The following BPNT1 variants were observed in gnomAD, a reference collection of about 807,000 sequenced individuals.
BPNT1 encodes the protein 3'(2'),5'-bisphosphate nucleotidase 1.
In BPNT1, 28 loss-of-function variants were observed where a neutral mutation model predicts 36.9. The ratio of observed to expected loss-of-function variants is 0.76; its 90% CI spans 0.56 to 1.04. BPNT1 has a LOEUF of 1.04. BPNT1 is among the 50% of genes least tolerant of loss of function. BPNT1 has a pLI of 0.00. For synonymous variants in BPNT1, 119 were observed against 130.9 expected, an observed-to-expected ratio of 0.91 and a Z score of 0.62; for missense variants, 313 against 372.9, an observed-to-expected ratio of 0.84 and a Z score of 1.32.
At chr1:220,080,399 G>T (rs1664993837) in intron 1 of BPNT1, among the ~76,000 whole-genome samples, 1 of 152,114 alleles carries the variant, frequency 6.6e-6, no homozygotes, top group Non-Finnish European at 1.5e-5. Context: ...CCCAAGACTG[G>T]GTAATTTATT....
At chr1:220,075,760 T>C (rs1255330625) in intron 2 of BPNT1, among the ~76,000 whole-genome samples, 1 of 152,222 alleles carries the variant, frequency 6.6e-6, no homozygotes, top group Non-Finnish European at 1.5e-5. Flanking sequence ...ATTTTGCTGT[T>C]TTTTTAAAAA....
rs1275999607 is a variant in BPNT1 at position 220,066,947 on chromosome 1, T to C, written c.474+355A>G. On this transcript the variant is annotated intron_variant, in intron 6 of 8. Coordinates refer to ENST00000322067, the MANE Select transcript of BPNT1 (RefSeq NM_006085.6). ...CTATCAGTAATTCTCTCAACATTTA[T>C]ATTTGAATCATAAGGAATAAATTAA... is the stretch of plus-strand genomic sequence containing the variant. 3 of 152,434 alleles carry C rather than the reference T, an allele frequency of 2.0e-5. No homozygotes were observed. In the East Asian group the frequency reaches 5.8e-4, roughly 29 times the overall value. 9.4% of individuals were successfully genotyped at this position (152,434 alleles called of 1,614,324 possible).
intron 7 of BPNT1, among the ~76,000 whole-genome samples, chr1:220,062,412 C>A (rs969799494): frequency 6.6e-6 from 1 of 151,230 alleles, no homozygotes; most frequent in East Asian, 2.0e-4. Flanking sequence ...TTTGTCCTTG[C>A]GATAGTTTAC....
intron 4 of BPNT1, among the ~76,000 whole-genome samples, chr1:220,071,140 G>A (rs575386140): frequency 2.0e-5 from 3 of 151,920 alleles, no homozygotes; most frequent in Admixed American, 6.5e-5. Flanking sequence ...GATTACAGGC[G>A]TGAGCCACCA....
chr1:220,057,942 C>T lies in BPNT1; in HGVS notation c.*902G>A, dbSNP rs1235755367. The T allele has an allele frequency of 1.0e-6, 1 of 989,894 alleles. No homozygotes were observed. Among genetic ancestry groups the T allele is most frequent in the Non-Finnish European group, 1.4e-6 (1 of 720,086 alleles). The allele number at this position is 989,894 out of a possible 1,614,324, so 61.3% of individuals were successfully genotyped here. ...CCTGTAATCCCAGCACTTTGGGAGT[C>T]CGAGGCAGACAGATCACGATGTCAG... On this transcript the variant is annotated 3_prime_UTR_variant, in exon 9 of 9. Transcript: ENST00000322067.
At chr1:220,073,335 C>A (rs1442180754) in intron 3 of BPNT1, among the ~76,000 whole-genome samples, 1 of 151,488 alleles carries the variant, frequency 6.6e-6, no homozygotes, top group Non-Finnish European at 1.5e-5. Flanking sequence ...GTTGCCCAGG[C>A]TGGAGTGCAG....
chr1:220,060,150 A>G (rs1474251633), intron 7 of BPNT1, among the ~76,000 whole-genome samples: 1 of 152,138 alleles, frequency 6.6e-6, no homozygotes, highest in African/African-American at 2.4e-5. Context: ...AGCAGAATTA[A>G]TTCAAGTTTT....
At chr1:220,079,140 G>T (rs935414783) in intron 2 of BPNT1, among the ~76,000 whole-genome samples, 1 of 152,184 alleles carries the variant, frequency 6.6e-6, no homozygotes, top group African/African-American at 2.4e-5. Flanking sequence ...GGCACTGCAT[G>T]TAATAGATTA....
intron 2 of BPNT1, 95 bp from the exon 3 acceptor site, chr1:220,074,166 T>G: frequency 8.9e-7 from 1 of 1,117,410 alleles, no homozygotes; most frequent in Non-Finnish European, 1.3e-6. Context: ...TAGATTACAC[T>G]GTCAGTTTTT....
At chr1:220,087,482 G>T (rs1321012680) in intron 1 of BPNT1, among the ~76,000 whole-genome samples, 5 of 152,084 alleles carry the variant, frequency 3.3e-5, no homozygotes, top group Non-Finnish European at 7.4e-5. Context: ...TTGAACCTGG[G>T]AGGTAGAAGT....
Position 220,058,987 on chromosome 1 carries a change from A to G in BPNT1, c.784T>C (p.Leu262=). 6.2e-7 allele frequency: 1 copy of G among 1,613,446 alleles called. No individual in the cohort carries two copies. The highest frequency in any genetic ancestry group is 8.5e-7 in the Non-Finnish European group (1 of 1,179,614). ...AGAACATTCCCATGGATATCGGTTAACTTGCCTATAGAAAAACATCAATCA... is the reference window on the plus strand; with the variant it reads ...AGAACATTCCCATGGATATCGGTTAGCTTGCCTATAGAAAAACATCAATCA... ...EVILHAVGGK[L]TDIHGNVLQY... is the part of the protein sequence containing the mutation. Residue 262 remains leucine, a synonymous_variant, in exon 9 of 9, where the codon TTA becomes CTA. Transcript: ENST00000322067.
At chr1:220,066,245 C>A (rs1558081780) in intron 6 of BPNT1, 4 of 518,496 alleles carry the variant, frequency 7.7e-6, no homozygotes, top group Non-Finnish European at 1.3e-5. Flanking sequence ...AATTAAATGC[C>A]CCTTTTGAAA....
chr1:220,082,077 T>TAGAGAG (rs1192320961), intron 1 of BPNT1, among the ~76,000 whole-genome samples: 2 of 110,258 alleles, frequency 1.8e-5, no homozygotes, highest in African/African-American at 6.3e-5. Context: ...TATATATATA[T>TAGAGAG]ATATATATAG....
chr1:220,079,802 TGC>T lies in BPNT1; in HGVS notation c.43_44del (p.Ala15IlefsTer17). On this transcript the variant is annotated frameshift_variant, in exon 2 of 9. Transcript: ENST00000322067. LOFTEE classifies it high-confidence loss of function. ...NTVLMRLVAS[A>X]YSIAQKAGMI... ...TTCCTGCCTTTTGAGCAATAGAATA[TGC>T]GGAGGCTACCAACCGCATCAACACA... 1.2e-6 allele frequency: 2 copies of T among 1,614,104 alleles called. No individual in the cohort carries two copies. Among genetic ancestry groups the T allele is most frequent in the Non-Finnish European group, 1.7e-6 (2 of 1,179,974 alleles).
At position 220,058,547 on chromosome 1, in the gene BPNT1, C is replaced by A; in HGVS notation, c.*297G>T. ...TTTTGGGTTTTTGTTTTTTTTTTTT[C>A]TGAGACAGGGCTTAACTCCTGTCAC... On this transcript the variant is annotated 3_prime_UTR_variant, in exon 9 of 9. Coordinates refer to ENST00000322067, the MANE Select transcript of BPNT1 (RefSeq NM_006085.6). 3.6e-6 allele frequency: 3 copies of A among 835,920 alleles called. No homozygotes were observed. The highest frequency in any genetic ancestry group is 1.3e-4 in the Admixed American group (2 of 15,916). The allele number at this position is 835,920 out of a possible 1,614,324, so 51.8% of individuals were successfully genotyped here. A position where few individuals can be genotyped will look rare whatever the true frequency, so the allele number is the denominator to read the frequency against.
chr1:220,070,037 T>C (rs1015399389), intron 4 of BPNT1, among the ~76,000 whole-genome samples: 5 of 152,170 alleles, frequency 3.3e-5, no homozygotes, highest in African/African-American at 9.7e-5. Flanking sequence ...TACTGATCTC[T>C]AGATCATGGT....
chr1:220,072,438 C>T (rs1419328867), intron 4 of BPNT1, among the ~76,000 whole-genome samples: 2 of 151,810 alleles, frequency 1.3e-5, no homozygotes, highest in Admixed American at 6.6e-5. Flanking sequence ...TCTCAACCTC[C>T]CAAGTAGCTG....
chr1:220,084,801 C>G (rs1338379082), intron 1 of BPNT1, among the ~76,000 whole-genome samples: 1 of 151,852 alleles, frequency 6.6e-6, no homozygotes, highest in Non-Finnish European at 1.5e-5. Context: ...CCAGTTAAAG[C>G]TAACATCAGC....
intron 2 of BPNT1, among the ~76,000 whole-genome samples, chr1:220,076,728 A>G (rs1168183200): frequency 6.7e-6 from 1 of 149,818 alleles, no homozygotes; most frequent in East Asian, 1.9e-4. Context: ...AATAATAATA[A>G]TAATAGTAGT....
Sources: gnomAD v4.1 joint callset for allele counts (sites outside exome capture counted in the v4.1 genomes callset) on GRCh38, gnomAD v4.1.1 for gene constraint, MANE v1.5 for transcripts, NCBI Gene and HGNC (gene_info 2026-07-23, HGNC 2026-07-21) for gene names.